Variants in PRKCA observed in about 807,000 individuals in gnomAD.
PRKCA encodes the protein protein kinase C alpha.
Under a neutral mutation model 87.0 loss-of-function variants are expected in PRKCA, and 27 were observed. The observed-to-expected ratio is 0.31, with a 90% CI of 0.23 to 0.43. The LOEUF (loss-of-function observed/expected upper bound fraction) is 0.43, where lower values mean the gene tolerates loss of function less well. PRKCA is among the 20% of genes least tolerant of loss of function. The pLI is 1.00. For synonymous variants in PRKCA, 329 were observed against 311.1 expected (o/e 1.06, Z -0.61); for missense variants, 518 against 852.3 (o/e 0.61, Z 4.88).
At chr17:66,422,298 A>G (rs1912541271) in intron 2 of PRKCA, among the ~76,000 whole-genome samples, 2 of 152,100 alleles carry the variant, frequency 1.3e-5, no homozygotes, top group Non-Finnish European at 2.9e-5. Flanking sequence ...CACCCACTTC[A>G]CTTTTTCGTA....
At chr17:66,635,797 T>C (rs1256358220) in intron 3 of PRKCA, among the ~76,000 whole-genome samples, 1 of 152,166 alleles carries the variant, frequency 6.6e-6, no homozygotes, top group African/African-American at 2.4e-5. Context: ...CTAAACTCTG[T>C]AGTTTAGTTA....
intron 8 of PRKCA, among the ~76,000 whole-genome samples, chr17:66,718,537 C>T (rs778999767): frequency 1.6e-4 from 24 of 152,186 alleles, no homozygotes; most frequent in Admixed American, 3.9e-4. Flanking sequence ...AGGCTGTTCT[C>T]AAACTCCCAG....
Position 66,442,690 on chromosome 17 carries a change from C to T in PRKCA, c.206-53511C>T, listed in dbSNP as rs142218727. On this transcript the variant is annotated intron_variant, in intron 2 of 16. Coordinates refer to ENST00000413366, the MANE Select transcript of PRKCA (RefSeq NM_002737.3). ...ATAATTATTTAATTCATGTTCACCTCTCCCATTAGACTGCAAGCTTAGCGA... is the reference window on the plus strand; with the variant it reads ...ATAATTATTTAATTCATGTTCACCTTTCCCATTAGACTGCAAGCTTAGCGA... Among the ~76,000 whole-genome samples, 463 of 152,312 alleles carry T rather than the reference C, an allele frequency of 3.0e-3. 3 individuals carry two copies. The highest frequency in any genetic ancestry group is 0.011 in the African/African-American group (441 of 41,568).
At chr17:66,658,361 A>G (rs1971794499) in intron 5 of PRKCA, among the ~76,000 whole-genome samples, 1 of 152,124 alleles carries the variant, frequency 6.6e-6, no homozygotes, top group Non-Finnish European at 1.5e-5. Flanking sequence ...GACACCTGTA[A>G]TCCCAGCTAC....
At chr17:66,799,682 ATGG>A (rs1053366645) in intron 16 of PRKCA, among the ~76,000 whole-genome samples, 1 of 122,360 alleles carries the variant, frequency 8.2e-6, no homozygotes, top group South Asian at 2.8e-4. Context: ...GGTGGTGGTA[ATGG>A]TGGTGGTGGT....
At position 66,425,000 on chromosome 17, in the gene PRKCA, G is replaced by A. The variant is rs143986402; in HGVS notation, c.206-71201G>A. On this transcript the variant is annotated intron_variant, in intron 2 of 16. Coordinates refer to ENST00000413366, the MANE Select transcript of PRKCA (RefSeq NM_002737.3). Reference sequence around the variant, plus strand: ...TGGTCTCGAACTCCTGGGCTCCAGCGATCCACCCTCCTTGGCCTCCCAATG... The same window carrying A: ...TGGTCTCGAACTCCTGGGCTCCAGCAATCCACCCTCCTTGGCCTCCCAATG... Among the ~76,000 whole-genome samples the A allele has an allele frequency of 2.6e-3, 395 of 152,086 alleles. 1 individual carries two copies. The highest frequency in any genetic ancestry group is 8.7e-3 in the African/African-American group (363 of 41,514).
intron 2 of PRKCA, among the ~76,000 whole-genome samples, chr17:66,495,061 C>T (rs1020558788): frequency 2.0e-5 from 3 of 148,188 alleles, no homozygotes; most frequent in African/African-American, 7.5e-5. Flanking sequence ...AAGATCACCC[C>T]ACTGCACTCC....
At chr17:66,304,993 A>T (rs1340526843) in intron 1 of PRKCA, among the ~76,000 whole-genome samples, 3 of 152,148 alleles carry the variant, frequency 2.0e-5, no homozygotes, top group African/African-American at 7.2e-5. Context: ...TTGTCTTTCC[A>T]CTATCAGTTG....
At chr17:66,743,388 G>A (rs559246327) in intron 13 of PRKCA, among the ~76,000 whole-genome samples, 50 of 152,338 alleles carry the variant, frequency 3.3e-4, no homozygotes, top group African/African-American at 1.1e-3. Flanking sequence ...CCTGGAAGGC[G>A]GGGTGAGACG....
intron 2 of PRKCA, among the ~76,000 whole-genome samples, chr17:66,384,721 C>T (rs573713513): frequency 1.1e-3 from 160 of 152,204 alleles, no homozygotes; most frequent in African/African-American, 3.6e-3. Context: ...CTCCACCTCC[C>T]GTGTTTATGC....
At chr17:66,463,382 G>GTTT (rs58154764) in intron 2 of PRKCA, among the ~76,000 whole-genome samples, 2 of 146,500 alleles carry the variant, frequency 1.4e-5, no homozygotes, top group South Asian at 2.2e-4. Flanking sequence ...TTGATTCTGT[G>GTTT]TTTTTTTTTT....
rs1211770090 is a variant in PRKCA at position 66,809,761 on chromosome 17, GAA to G, written c.*5726_*5727del. 6.6e-6 allele frequency: 1 copy of G among 152,182 alleles called. No individual in the cohort carries two copies. The highest frequency in any genetic ancestry group is 1.9e-4 in the East Asian group (1 of 5,190). The allele number at this position is 152,182 out of a possible 1,614,324, so 9.4% of individuals were successfully genotyped here. A position where few individuals can be genotyped will look rare whatever the true frequency, so the allele number is the denominator to read the frequency against. On this transcript the variant is annotated 3_prime_UTR_variant, in exon 17 of 17. Coordinates refer to ENST00000413366, the MANE Select transcript of PRKCA (RefSeq NM_002737.3). ...AGGTTTAGAAACTTCCAAACCACAG[GAA>G]AGACATTTTTAGTGTCCCCCATCCA...
intron 6 of PRKCA, 123 bp downstream of exon 6, chr17:66,687,390 C>A: frequency 3.0e-6 from 3 of 1,016,166 alleles, no homozygotes; most frequent in Non-Finnish European, 4.2e-6. Context: ...GTCCTAAGAC[C>A]TCCTCAGGCT....
At chr17:66,354,479 A>G (rs1046784995) in intron 2 of PRKCA, among the ~76,000 whole-genome samples, 4 of 152,200 alleles carry the variant, frequency 2.6e-5, no homozygotes, top group South Asian at 2.1e-4. Context: ...TTGGGAGCCA[A>G]TGTAAGTCTG....
intron 16 of PRKCA, among the ~76,000 whole-genome samples, chr17:66,793,522 G>A (rs182094068): frequency 1.6e-3 from 244 of 150,620 alleles, no homozygotes; most frequent in Admixed American, 5.5e-3. Context: ...CCTGGGAGGC[G>A]GAAGTTGCAG....
chr17:66,676,219 G>A (rs1486621870), intron 5 of PRKCA, among the ~76,000 whole-genome samples: 2 of 152,182 alleles, frequency 1.3e-5, no homozygotes, highest in African/African-American at 2.4e-5. Flanking sequence ...GTTCTTCCCA[G>A]TAACGTGACC....
intron 3 of PRKCA, among the ~76,000 whole-genome samples, chr17:66,501,939 A>G (rs1461950840): frequency 6.6e-6 from 1 of 152,112 alleles, no homozygotes; most frequent in Non-Finnish European, 1.5e-5. Context: ...TGCTCTGGCC[A>G]TGATGGGGTG....
chr17:66,400,452 T>G (rs72838208), intron 2 of PRKCA, among the ~76,000 whole-genome samples: 6,786 of 152,328 alleles, frequency 0.045, 221 homozygotes, highest in Admixed American at 0.078. Context: ...ATGCCTGGGT[T>G]AACTATAGTC....
At chr17:66,366,593 C>T (rs1402748028) in intron 2 of PRKCA, among the ~76,000 whole-genome samples, 3 of 151,978 alleles carry the variant, frequency 2.0e-5, no homozygotes, top group Non-Finnish European at 2.9e-5. Flanking sequence ...TAAATAATAG[C>T]AGTGAGTTTG....
Sources: gnomAD v4.1 joint callset for allele counts (sites outside exome capture counted in the v4.1 genomes callset) on GRCh38, gnomAD v4.1.1 for gene constraint, MANE v1.5 for transcripts, NCBI Gene and HGNC (gene_info 2026-07-23, HGNC 2026-07-21) for gene names.